CHRM2: variants seen among roughly 807,000 people sequenced by gnomAD.
The protein encoded by CHRM2 is muscarinic acetylcholine receptor M2.
CHRM2 carries 8 observed loss-of-function variants against 25.0 expected under a neutral mutation model. That is an observed-to-expected ratio of 0.32 (90% CI 0.19 to 0.58). The LOEUF (loss-of-function observed/expected upper bound fraction) is 0.58, where lower values mean the gene tolerates loss of function less well. CHRM2 is among the 20% of genes least tolerant of loss of function. The pLI is 0.88. For synonymous variants in CHRM2, 202 were observed against 205.7 expected, an observed-to-expected ratio of 0.98 and a Z score of 0.15; for missense variants, 440 against 567.1, an observed-to-expected ratio of 0.78 and a Z score of 2.28.
intron 2 of CHRM2, among the ~76,000 whole-genome samples, chr7:136,989,038 A>G (rs1803042901): frequency 6.6e-6 from 1 of 152,110 alleles, no homozygotes; most frequent in Non-Finnish European, 1.5e-5. Flanking sequence ...ATTTTATAAA[A>G]GAGGAAATTA....
chr7:136,897,332 A>C (rs555552019), intron 2 of CHRM2, among the ~76,000 whole-genome samples: 3 of 152,208 alleles, frequency 2.0e-5, no homozygotes, highest in African/African-American at 7.2e-5. Context: ...ATCTGCACTA[A>C]AAATATTCAT....
chr7:136,928,975 G>A (rs1163369977), intron 2 of CHRM2, among the ~76,000 whole-genome samples: 1 of 152,176 alleles, frequency 6.6e-6, no homozygotes, highest in East Asian at 1.9e-4. Flanking sequence ...GTAAAGCGCT[G>A]TAAATGATGT....
intron 2 of CHRM2, among the ~76,000 whole-genome samples, chr7:136,893,223 T>A (rs1796763858): frequency 6.6e-6 from 1 of 152,136 alleles, no homozygotes; most frequent in Admixed American, 6.5e-5. Context: ...CTACTGGCCG[T>A]GGTACCCAAA....
At chr7:137,010,885 G>A (rs1261824029) in intron 3 of CHRM2, among the ~76,000 whole-genome samples, 3 of 151,872 alleles carry the variant, frequency 2.0e-5, no homozygotes, top group Non-Finnish European at 4.4e-5. Flanking sequence ...TTACTGGATA[G>A]AGTATAATTC....
Position 136,902,063 on chromosome 7 carries a change from C to G in CHRM2, c.-125+32645C>G, listed in dbSNP as rs566251686. On this transcript the variant is annotated intron_variant, in intron 2 of 3. Coordinates refer to ENST00000680005, the MANE Select transcript of CHRM2 (RefSeq NM_001006630.2). ...TAGATAAGTGAAGGGTTGTTTATAA[C>G]AGTCCAGCCTCCCCTTAGCTTCTTC... The G allele has an allele frequency of 2.0e-5, 3 of 152,130 alleles. No individual in the cohort carries two copies. In the Middle Eastern group the frequency reaches 0.01, roughly 517 times the overall value. The allele number at this position is 152,130 out of a possible 1,614,324, so 9.4% of individuals were successfully genotyped here.
At chr7:136,886,744 C>T (rs948335321) in intron 2 of CHRM2, among the ~76,000 whole-genome samples, 1 of 151,908 alleles carries the variant, frequency 6.6e-6, no homozygotes, top group Non-Finnish European at 1.5e-5. Context: ...TGGTGGTGCA[C>T]ACTTGTAGTC....
Position 137,015,870 on chromosome 7 carries a change from CT to C in CHRM2, c.1006del (p.Ser336HisfsTer11). ...TTGGCACCAAGACCCCAAAAAGTGA[CT>C]CATGTACCCCAACTAATACCACCGT... ...RIGTKTPKSDSCTPTNTTVEV... is the reference protein window; with the variant it reads ...RIGTKTPKSDXCTPTNTTVEV... On this transcript the variant is annotated frameshift_variant, in exon 4 of 4. Coordinates refer to ENST00000680005, the MANE Select transcript of CHRM2 (RefSeq NM_001006630.2). LOFTEE classifies it high-confidence loss of function. This position sits in a 1 kb window ranked among gnomAD's most constrained non-coding sequence, Gnocchi z 5.1. The C allele has an allele frequency of 6.2e-7, 1 of 1,613,144 alleles. No homozygotes were observed. The highest frequency in any genetic ancestry group is 8.5e-7 in the Non-Finnish European group (1 of 1,179,462).
intron 2 of CHRM2, among the ~76,000 whole-genome samples, chr7:136,930,898 C>CAAAAAAAAAAAAAAAAAAAAAAAAAAAA (rs57705639): frequency 6.5e-5 from 4 of 61,152 alleles, no homozygotes; most frequent in Non-Finnish European, 7.5e-5. Flanking sequence ...CTCATTCTCT[C>CAAAAAAAAAAAAAAAAAAAAAAAAAAAA]AAAAAAAAAA....
chr7:136,992,135 T>C (rs1803274313), intron 2 of CHRM2, 52 bp from the exon 3 acceptor site: 1 of 152,172 alleles, frequency 6.6e-6, no homozygotes, highest in Non-Finnish European at 1.5e-5. Context: ...TTCTGTTTGT[T>C]GTAATTATTT....
intron 2 of CHRM2, among the ~76,000 whole-genome samples, chr7:136,921,195 A>G (rs557112883): frequency 2.0e-5 from 3 of 152,086 alleles, no homozygotes; most frequent in Non-Finnish European, 2.9e-5. Context: ...CCTGTCATTT[A>G]CTAACCTCCA....
At chr7:136,981,842 T>C (rs1357239008) in intron 2 of CHRM2, among the ~76,000 whole-genome samples, 1 of 152,162 alleles carries the variant, frequency 6.6e-6, no homozygotes, top group South Asian at 2.1e-4. Context: ...TTCTTTTGCA[T>C]TTGCTGAGGA....
In CHRM2 at chr7:136,902,515, G is replaced by A. The variant is rs180982789; in HGVS notation, c.-125+33097G>A. On this transcript the variant is annotated intron_variant, in intron 2 of 3. Transcript: ENST00000680005. The stretch of plus-strand genomic sequence containing the variant: ...AAAAATTAGAAGCTGGTGGGATAGG[G>A]TATTAAACACAATCCTAGATGACTC... The A allele has an allele frequency of 2.0e-5, 3 of 152,122 alleles. No homozygotes were observed. The East Asian group carries it at 5.8e-4, about 29-fold the overall frequency. The allele number at this position is 152,122 out of a possible 1,614,324, so 9.4% of individuals were successfully genotyped here.
At chr7:136,924,590 T>C (rs1354211467) in intron 2 of CHRM2, among the ~76,000 whole-genome samples, 1 of 152,194 alleles carries the variant, frequency 6.6e-6, no homozygotes, top group Non-Finnish European at 1.5e-5. Context: ...TGTAGGTTTA[T>C]AGTCACTTTC....
At chr7:136,935,439 T>C (rs1175373336) in intron 2 of CHRM2, among the ~76,000 whole-genome samples, 1 of 152,108 alleles carries the variant, frequency 6.6e-6, no homozygotes, top group Non-Finnish European at 1.5e-5. Context: ...TTCATTAAAA[T>C]GGTAGGTACG....
intron 2 of CHRM2, among the ~76,000 whole-genome samples, chr7:136,983,930 GA>G (rs1802662905): frequency 1.3e-5 from 2 of 152,216 alleles, no homozygotes; most frequent in South Asian, 4.1e-4. Flanking sequence ...CTTGACCCTT[GA>G]GGAGGTAGTC....
chr7:136,923,661 T>G (rs1230446988), intron 2 of CHRM2, among the ~76,000 whole-genome samples: 1 of 152,222 alleles, frequency 6.6e-6, no homozygotes, highest in Admixed American at 6.5e-5. Context: ...ATCCTAATGA[T>G]ATTTTCATTA....
intron 2 of CHRM2, among the ~76,000 whole-genome samples, chr7:136,955,199 A>C (rs560021382): frequency 6.6e-6 from 1 of 152,140 alleles, no homozygotes; most frequent in African/African-American, 2.4e-5. Context: ...TGATTTTGAA[A>C]TGCATCCTGA....
chr7:136,915,532 A>G (rs1242866161), intron 2 of CHRM2, among the ~76,000 whole-genome samples: 1 of 151,890 alleles, frequency 6.6e-6, no homozygotes. Context: ...AAGAATTTTG[A>G]AGTATTGGAA....
intron 2 of CHRM2, among the ~76,000 whole-genome samples, chr7:136,894,325 GAA>G (rs2130576781): frequency 1.3e-5 from 2 of 152,178 alleles, no homozygotes; most frequent in East Asian, 3.9e-4. Flanking sequence ...TCATTTTGAA[GAA>G]AATATGGCAA....
Sources: allele counts gnomAD v4.1 joint callset (sites outside exome capture counted in the v4.1 genomes callset), GRCh38; gene constraint gnomAD v4.1.1; non-coding constraint Gnocchi (gnomAD v3.1); transcripts MANE v1.5; gene names NCBI Gene and HGNC (gene_info 2026-07-23, HGNC 2026-07-21).